ACAD10: variants seen among roughly 807,000 people sequenced by gnomAD.
ACAD10 encodes the protein acyl-CoA dehydrogenase family member 10, also known as ACAD-10.
In ACAD10, 112 loss-of-function variants were observed where a neutral mutation model predicts 116.8. The ratio of observed to expected loss-of-function variants is 0.96; its 90% CI spans 0.82 to 1.12. The LOEUF is 1.12. Among genes scored for constraint, ACAD10 ranks in the 50% most tolerant of loss-of-function variants. The pLI, the probability that ACAD10 is intolerant of heterozygous loss-of-function variation, is 0.00. For synonymous variants in ACAD10, 486 were observed against 510.6 expected (o/e 0.95, Z 0.65); for missense variants, 1,259 against 1,350.2 (o/e 0.93, Z 1.06).
In ACAD10 at chr12:111,747,066, G is replaced by T. The variant is rs1397970760; in HGVS notation, c.2274G>T (p.Ala758=). ...LYAPEVCNCS[A]PDTGNMELLV... is the part of the protein sequence containing the mutation. ...CTTCTCAGGTATGTAACTGCTCTGC[G>T]CCTGACACGGGCAACATGGAGCTGC... The change falls in exon 15 of 21, where the codon GCG becomes GCT. Residue 758 remains alanine (A), a synonymous_variant. Coordinates refer to ENST00000313698, the MANE Select transcript of ACAD10 (RefSeq NM_025247.6). The T allele has an allele frequency of 7.5e-6, 12 of 1,607,604 alleles. No individual in the cohort carries two copies. The East Asian group carries it at 1.1e-4, about 15-fold the overall frequency.
In ACAD10 at chr12:111,746,161, A is replaced by T. The variant is rs375978625; in HGVS notation, c.2133A>T (p.Glu711Asp). The change falls in exon 14 of 21, where the codon GAA becomes GAT. Residue 711 changes from glutamate (E) to aspartate (D), a missense_variant. Coordinates refer to ENST00000313698, the MANE Select transcript of ACAD10 (RefSeq NM_025247.6). ...IEDLKEKAKA[E>D]GLWNLFLPLE... ...CATGATAGGAGAAAGCCAAAGCTGA[A>T]GGACTTTGGAACCTTTTCCTACCCT... 107 of 1,613,272 alleles carry T rather than the reference A, an allele frequency of 6.6e-5. No individual in the cohort carries two copies. The highest frequency in any genetic ancestry group is 8.0e-5 in the African/African-American group (6 of 74,840).
At chr12:111,692,465 A>C (rs927995213) in intron 1 of ACAD10, among the ~76,000 whole-genome samples, 1 of 152,212 alleles carries the variant, frequency 6.6e-6, no homozygotes. Context: ...TAGAGATTGC[A>C]GAAAGTCAGA....
chr12:111,698,081 G>C (rs1361645219), intron 2 of ACAD10, among the ~76,000 whole-genome samples: 2 of 149,176 alleles, frequency 1.3e-5, no homozygotes, highest in Admixed American at 6.8e-5. Context: ...TGTAACCTCT[G>C]TCTCCCTGGT....
intron 8 of ACAD10, among the ~76,000 whole-genome samples, chr12:111,723,316 G>T (rs1253227381): frequency 7.0e-6 from 1 of 142,010 alleles, no homozygotes; most frequent in Non-Finnish European, 1.6e-5. Context: ...GGCCGGGCGG[G>T]GGGGCTGACC....
intron 8 of ACAD10, among the ~76,000 whole-genome samples, chr12:111,724,611 T>G (rs1005776371): frequency 7.2e-5 from 11 of 152,282 alleles, no homozygotes; most frequent in African/African-American, 2.6e-4. Context: ...GAGACCGGCC[T>G]GGCCAACACA....
intron 11 of ACAD10, among the ~76,000 whole-genome samples, chr12:111,735,584 T>C (rs1889525897): frequency 6.6e-6 from 1 of 151,714 alleles, no homozygotes; most frequent in South Asian, 2.1e-4. Context: ...GCCTCCTAAG[T>C]AGCTGGGACT....
intron 3 of ACAD10, among the ~76,000 whole-genome samples, chr12:111,705,302 T>G (rs1888466266): frequency 6.6e-6 from 1 of 152,128 alleles, no homozygotes; most frequent in Admixed American, 6.6e-5. Context: ...CATAGCTCAC[T>G]GCAGCTCCAA....
intron 8 of ACAD10, among the ~76,000 whole-genome samples, chr12:111,723,687 C>G (rs1294483504): frequency 1.8e-4 from 22 of 120,756 alleles, no homozygotes; most frequent in Admixed American, 1.8e-3. Context: ...GGGGCTGACC[C>G]CCCCCCCCAC....
rs763660106 is a variant in ACAD10, at chr12:111,744,892, C to T, written c.1964C>T (p.Ser655Phe). The change falls in exon 13 of 21, where the codon TCT (serine) becomes TTT (phenylalanine). Residue 655 changes from serine to phenylalanine, a missense_variant. Coordinates refer to ENST00000313698, the MANE Select transcript of ACAD10 (RefSeq NM_025247.6). ...ACCTCAAGGGGAGGTCTGGTTATCT[C>T]TCCAGAGAGCCTCTCTCCACCTGTC... ...AHTSRGGLVI[S>F]PESLSPPVRE... The T allele has an allele frequency of 6.2e-7, 1 of 1,614,180 alleles. No homozygotes were observed. The highest frequency in any genetic ancestry group is 1.1e-5 in the South Asian group (1 of 91,084).
chr12:111,711,645 C>T (rs1888689440), intron 5 of ACAD10, among the ~76,000 whole-genome samples: 1 of 151,744 alleles, frequency 6.6e-6, no homozygotes, highest in Non-Finnish European at 1.5e-5. Context: ...CTGCCTCAGC[C>T]TCCCAAGTAG....
chr12:111,723,154 C>T (rs1366137872), intron 8 of ACAD10, among the ~76,000 whole-genome samples: 2 of 145,440 alleles, frequency 1.4e-5, no homozygotes, highest in Admixed American at 1.3e-4. Flanking sequence ...CTGACCCCCC[C>T]ACCTCCCTCC....
At chr12:111,686,913 T>C (rs553241381) in intron 1 of ACAD10, among the ~76,000 whole-genome samples, 2 of 152,318 alleles carry the variant, frequency 1.3e-5, no homozygotes, top group East Asian at 3.9e-4. Context: ...CATCAGCAGT[T>C]GTGCAGTCTT....
chr12:111,727,579 T>A (rs947851224), intron 8 of ACAD10, among the ~76,000 whole-genome samples: 1 of 152,124 alleles, frequency 6.6e-6, no homozygotes, highest in African/African-American at 2.4e-5. Context: ...TGGTTCGGTG[T>A]GACTCCAGAG....
intron 2 of ACAD10, among the ~76,000 whole-genome samples, chr12:111,698,333 A>T (rs1446239061): frequency 7.8e-6 from 1 of 129,028 alleles, no homozygotes; most frequent in East Asian, 2.3e-4. Context: ...ATCTTGCTGT[A>T]TGGCCCAGGC....
At chr12:111,704,007 G>A (rs563940695) in intron 3 of ACAD10, among the ~76,000 whole-genome samples, 4 of 151,854 alleles carry the variant, frequency 2.6e-5, no homozygotes, top group South Asian at 2.1e-4. Context: ...ACTGCATGGT[G>A]TATGATTCCA....
At chr12:111,749,418 C>T in intron 18 of ACAD10, 73 bp downstream of exon 18, 1 of 1,539,168 alleles carries the variant, frequency 6.5e-7, no homozygotes, top group South Asian at 1.2e-5. Context: ...ACTTCAATTC[C>T]TACCTGTTTT....
rs557210190 is a variant in ACAD10, at chr12:111,727,982, A to G, written c.1082A>G (p.Tyr361Cys). 5.0e-6 allele frequency: 8 copies of G among 1,611,318 alleles called. No homozygotes were observed. Among genetic ancestry groups the G allele is most frequent in the African/African-American group, 1.3e-5 (1 of 74,786 alleles). Residue 361 changes from tyrosine to cysteine, a missense_variant, in exon 9 of 21, where the codon TAT (tyrosine) becomes TGT (cysteine). Physicochemically the swap from Tyr to Cys is radical, Grantham distance 194. Coordinates refer to ENST00000313698, the MANE Select transcript of ACAD10 (RefSeq NM_025247.6). ...EDSSVIGTPF[Y>C]VMEYCPGLIY... is the part of the protein sequence containing the mutation. ...CCCAGTGTCATTGGCACCCCCTTCT[A>G]TGTGATGGAGTACTGCCCAGGTCTC...
chr12:111,695,235 C>T (rs1221191880), intron 2 of ACAD10, among the ~76,000 whole-genome samples: 3 of 152,186 alleles, frequency 2.0e-5, no homozygotes, highest in Non-Finnish European at 4.4e-5. Context: ...TGTGCCTTTG[C>T]AAGCTGTGTT....
intron 18 of ACAD10, chr12:111,752,580 G>A (rs954047081): frequency 6.6e-6 from 1 of 152,092 alleles, no homozygotes; most frequent in African/African-American, 2.4e-5. Context: ...CTGCACTCCA[G>A]CCTGGGCAAC....
Sources: gnomAD v4.1 joint callset for allele counts (sites outside exome capture counted in the v4.1 genomes callset) on GRCh38, gnomAD v4.1.1 for gene constraint, MANE v1.5 for transcripts, NCBI Gene and HGNC (gene_info 2026-07-23, HGNC 2026-07-21) for gene names.